Variants in LIPH observed in about 807,000 individuals in gnomAD.
LIPH encodes lipase member H.
Under a neutral mutation model 47.6 loss-of-function variants are expected in LIPH, and 32 were observed. The observed-to-expected ratio is 0.67, with a 90% CI of 0.51 to 0.90. The LOEUF is 0.90. Among genes scored for constraint, LIPH ranks in the 40% least tolerant of loss-of-function variants. The pLI, the probability that LIPH is intolerant of heterozygous loss-of-function variation, is 0.00. For synonymous variants in LIPH, 190 were observed against 195.6 expected (o/e 0.97, Z 0.24); for missense variants, 497 against 541.4 (o/e 0.92, Z 0.81).
chr3:185,514,965 A>G (rs778990812), intron 7 of LIPH, among the ~76,000 whole-genome samples: 3 of 151,822 alleles, frequency 2.0e-5, no homozygotes, highest in Admixed American at 6.6e-5. Context: ...CACCACCTGC[A>G]CTCCCTGCAC....
At chr3:185,526,729 A>T (rs1720117315) in intron 4 of LIPH, among the ~76,000 whole-genome samples, 1 of 148,924 alleles carries the variant, frequency 6.7e-6, no homozygotes, top group South Asian at 2.1e-4. Flanking sequence ...AATAAAATAA[A>T]AATAAAGACA....
chr3:185,534,933 G>A lies in LIPH; in HGVS notation c.249C>T (p.Ser83=). 2 of 1,613,592 alleles carry A rather than the reference G, an allele frequency of 1.2e-6. No individual in the cohort carries two copies. Among genetic ancestry groups the A allele is most frequent in the South Asian group, 2.2e-5 (2 of 91,074 alleles). The change falls in exon 2 of 10, where the codon TCC becomes TCT. Residue 83 remains serine (S), a synonymous_variant. Transcript: ENST00000296252. The part of the protein sequence containing the change: ...FIVHGFRPTG[S]PPVWMDDLVK... ...CTAAGTCATCCATCCAAACAGGAGG[G>A]GAGCCTGTTGGCCTGAATCCATGGA...
rs1720147963 is a variant in LIPH, at chr3:185,527,554, C to A, written c.558G>T (p.Gly186=). ...GLDPAGPLFN[G]KPHQDRLDPS... is the part of the protein sequence containing the mutation. Reference sequence around the variant, plus strand: ...GATCTAATCTGTCTTGGTGAGGTTTCCCGTTGAATAAAGGGCCTGCAGGGT... The same window carrying A: ...GATCTAATCTGTCTTGGTGAGGTTTACCGTTGAATAAAGGGCCTGCAGGGT... Residue 186 remains glycine (G), a synonymous_variant, in exon 4 of 10, where the codon GGG becomes GGT. Transcript: ENST00000296252. 6.2e-7 allele frequency: 1 copy of A among 1,612,366 alleles called. No individual in the cohort carries two copies. Among genetic ancestry groups the A allele is most frequent in the Non-Finnish European group, 8.5e-7 (1 of 1,179,654 alleles).
intron 3 of LIPH, among the ~76,000 whole-genome samples, chr3:185,529,199 AAGAAAAAG>A: frequency 6.8e-6 from 1 of 147,680 alleles, no homozygotes; most frequent in African/African-American, 2.5e-5. Flanking sequence ...AAAAGAAAAA[AAGAAAAAG>A]AAAAAGAAAG....
Position 185,519,245 on chromosome 3 carries a change from C to T in LIPH, c.783G>A (p.Glu261=), listed in dbSNP as rs1719826688. The T allele has an allele frequency of 1.2e-6, 2 of 1,612,486 alleles. No individual in the cohort carries two copies. The highest frequency in any genetic ancestry group is 3.3e-5 in the Admixed American group (2 of 59,974). The part of the protein sequence containing the change: ...SVYLYLSSLR[E]SCTITAYPCD... Reference sequence around the variant, plus strand: ...AGGGATACGCAGTGATGGTGCAGCTCTCTCTCAGGGAAGACAGGTACAGGT... The same window carrying T: ...AGGGATACGCAGTGATGGTGCAGCTTTCTCTCAGGGAAGACAGGTACAGGT... The change falls in exon 6 of 10, where the codon GAG becomes GAA. Residue 261 remains glutamate (E), a synonymous_variant. Transcript: ENST00000296252.
intron 5 of LIPH, among the ~76,000 whole-genome samples, chr3:185,523,613 C>T (rs1257511054): frequency 6.6e-6 from 1 of 152,158 alleles, no homozygotes; most frequent in Admixed American, 6.5e-5. Flanking sequence ...CCCTCTGTTG[C>T]CCAGGGTGGT....
chr3:185,546,788 G>T (rs1273908129), intron 1 of LIPH: 1 of 363,412 alleles, frequency 2.8e-6, no homozygotes, highest in African/African-American at 2.2e-5. Context: ...CTGGGCAACA[G>T]AGTAAGAACT....
At chr3:185,539,560 G>A (rs931351378) in intron 1 of LIPH, among the ~76,000 whole-genome samples, 7 of 151,246 alleles carry the variant, frequency 4.6e-5, no homozygotes, top group African/African-American at 1.2e-4. Context: ...TAGTAGAGAC[G>A]GGGTTTCACC....
chr3:185,519,259 A>T lies in LIPH; in HGVS notation c.769T>A (p.Ser257Thr), dbSNP rs747092890. 1.3e-5 allele frequency: 21 copies of T among 1,613,070 alleles called. No homozygotes were observed. The South Asian group carries it at 2.3e-4, about 18-fold the overall frequency. ...DHQRSVYLYL[S>T]SLRESCTITA... is the part of the protein sequence containing the mutation. ...ATGGTGCAGCTCTCTCTCAGGGAAG[A>T]CAGGTACAGGTATACAGACCTCTGG... Residue 257 changes from serine to threonine, a missense_variant, in exon 6 of 10, where the codon TCT becomes ACT. Coordinates refer to ENST00000296252, the MANE Select transcript of LIPH (RefSeq NM_139248.3).
Position 185,533,762 on chromosome 3 carries a change from T to C in LIPH, c.418-83A>G, listed in dbSNP as rs192311145. On this transcript the variant is annotated intron_variant, in intron 2 of 9. Coordinates refer to ENST00000296252, the MANE Select transcript of LIPH (RefSeq NM_139248.3). The stretch of plus-strand genomic sequence containing the variant: ...GTAGAAATTTCCTGGCTGTTGACTT[T>C]GGAGAAGTAATTCTAAGCACCTTAC... 5.2e-5 allele frequency: 47 copies of C among 895,908 alleles called. No individual in the cohort carries two copies. In the African/African-American group the frequency reaches 6.9e-4, roughly 13 times the overall value. 55.5% of individuals were successfully genotyped at this position (895,908 alleles called of 1,614,324 possible).
chr3:185,518,868 G>T (rs1227416138), intron 6 of LIPH, among the ~76,000 whole-genome samples: 1 of 151,666 alleles, frequency 6.6e-6, no homozygotes, highest in Non-Finnish European at 1.5e-5. Context: ...GGGACTACAG[G>T]CACGCACCAC....
rs200468410 is a variant in LIPH, at chr3:185,511,495, C to T, written c.1268+29G>A. The T allele has an allele frequency of 2.3e-3, 3,735 of 1,610,010 alleles. 17 individuals carry two copies. Among genetic ancestry groups the T allele is most frequent in the Non-Finnish European group, 2.6e-3 (3,024 of 1,176,234 alleles). ...ATCCAGCAACATCTTTGGAAAACAGCGTTTTGTCAAACCGTACCCTCAGCT... is the reference window on the plus strand; with the variant it reads ...ATCCAGCAACATCTTTGGAAAACAGTGTTTTGTCAAACCGTACCCTCAGCT... On this transcript the variant is annotated intron_variant, in intron 9 of 9. Transcript: ENST00000296252.
In LIPH at chr3:185,514,530, CAGAG is replaced by C; in HGVS notation, c.983-13_983-10del. 1.0e-6 allele frequency: 1 copy of C among 995,180 alleles called. No homozygotes were observed. The highest frequency in any genetic ancestry group is 2.4e-5 in the East Asian group (1 of 42,088). 61.6% of individuals were successfully genotyped at this position (995,180 alleles called of 1,614,324 possible). The stretch of plus-strand genomic sequence containing the variant: ...CACAAAGTAATGATACACTGCAAAA[CAGAG>C]AGAGAACACGGTAAGAGAGAGATAC... On this transcript the variant is annotated splice_polypyrimidine_tract_variant and intron_variant, in intron 7 of 9. Coordinates refer to ENST00000296252, the MANE Select transcript of LIPH (RefSeq NM_139248.3).
intron 2 of LIPH, among the ~76,000 whole-genome samples, chr3:185,534,115 T>C (rs982904301): frequency 1.2e-4 from 19 of 152,166 alleles, no homozygotes; most frequent in Non-Finnish European, 2.6e-4. Flanking sequence ...CCCAGCACTT[T>C]GGAAGGCCAA....
chr3:185,534,009 A>C (rs1312995945), intron 2 of LIPH, among the ~76,000 whole-genome samples: 1 of 152,164 alleles, frequency 6.6e-6, no homozygotes, highest in African/African-American at 2.4e-5. Flanking sequence ...AGATCACCTG[A>C]GGTCGGGAGT....
intron 9 of LIPH, 139 bp downstream of exon 9, chr3:185,511,383 TAA>T (rs1302604717): frequency 4.3e-5 from 36 of 828,238 alleles, no homozygotes; most frequent in Admixed American, 2.8e-4. Context: ...TTGTTTATAA[TAA>T]AAACTATTTT....
intron 1 of LIPH, among the ~76,000 whole-genome samples, chr3:185,543,172 G>A (rs1720767003): frequency 6.6e-6 from 1 of 152,068 alleles, no homozygotes; most frequent in African/African-American, 2.4e-5. Flanking sequence ...TCATGCCACT[G>A]CACTCCAGCC....
intron 6 of LIPH, among the ~76,000 whole-genome samples, chr3:185,518,430 C>A (rs1030938556): frequency 5.9e-5 from 9 of 152,170 alleles, no homozygotes; most frequent in African/African-American, 2.2e-4. Context: ...CAGGCGCCCG[C>A]CACCATGCCC....
intron 9 of LIPH, 111 bp from the exon 10 acceptor site, chr3:185,508,988 A>T: frequency 1.3e-6 from 1 of 776,926 alleles, no homozygotes; most frequent in South Asian, 1.5e-5. Flanking sequence ...TGTTTTTAAT[A>T]TAGAAAACAC....
Sources: allele counts gnomAD v4.1 joint callset (sites outside exome capture counted in the v4.1 genomes callset), GRCh38; gene constraint gnomAD v4.1.1; transcripts MANE v1.5; gene names NCBI Gene and HGNC (gene_info 2026-07-23, HGNC 2026-07-21).